CSMD3: variants seen among roughly 807,000 people sequenced by gnomAD.
The protein encoded by CSMD3 is CUB and sushi domain-containing protein 3.
In CSMD3, 177 loss-of-function variants were observed where a neutral mutation model predicts 435.2. The observed-to-expected ratio is 0.41, with a 90% CI of 0.36 to 0.46. The LOEUF (loss-of-function observed/expected upper bound fraction) is 0.46. Among genes scored for constraint, CSMD3 ranks in the 20% least tolerant of loss-of-function variants. The pLI is 0.34. For missense variants in CSMD3, 4,265 were observed against 4,504.6 expected (o/e 0.95, Z 1.52); for synonymous variants, 1,656 against 1,520.5 (o/e 1.09, Z -2.07).
chr8:112,878,393 C>A (rs983748800), intron 10 of CSMD3, among the ~76,000 whole-genome samples: 1 of 152,042 alleles, frequency 6.6e-6, no homozygotes, highest in Non-Finnish European at 1.5e-5. Context: ...GTTAGAATGG[C>A]AATCATAAAA....
At position 112,847,092 on chromosome 8, in the gene CSMD3, C is replaced by T. The variant is rs560825036; in HGVS notation, c.1755+12053G>A. ...AATCATGCTTTGTTAAGACTGCCAA[C>T]CTGGCTTTAATTTCAGTTTATCCCT... On this transcript the variant is annotated intron_variant, in intron 11 of 70. Transcript: ENST00000297405. 3.3e-5 allele frequency among the ~76,000 whole-genome samples: 5 copies of T among 152,204 alleles called. No homozygotes were observed. The East Asian group carries it at 9.7e-4, about 29-fold the overall frequency.
At chr8:112,917,929 T>A (rs1000138902) in intron 10 of CSMD3, among the ~76,000 whole-genome samples, 2 of 151,862 alleles carry the variant, frequency 1.3e-5, no homozygotes, top group African/African-American at 4.8e-5. Context: ...ACATCCATCT[T>A]CCTCTGCCTA....
intron 6 of CSMD3, among the ~76,000 whole-genome samples, chr8:112,999,095 C>A (rs946296743): frequency 5.9e-5 from 9 of 151,840 alleles, no homozygotes; most frequent in African/African-American, 2.2e-4. Context: ...TCTCCATATG[C>A]CTGGACTCCT....
intron 1 of CSMD3, among the ~76,000 whole-genome samples, chr8:113,386,561 C>T (rs1336043500): frequency 6.6e-6 from 1 of 151,836 alleles, no homozygotes; most frequent in African/African-American, 2.4e-5. Context: ...CTCTCTCTCT[C>T]TCTCTGTCAG....
At chr8:113,088,875 A>G (rs1433328217) in intron 5 of CSMD3, among the ~76,000 whole-genome samples, 1 of 150,654 alleles carries the variant, frequency 6.6e-6, no homozygotes, top group Non-Finnish European at 1.5e-5. Flanking sequence ...AAAAAATAAA[A>G]TAAATAAAGA....
intron 12 of CSMD3, among the ~76,000 whole-genome samples, chr8:112,826,976 C>T (rs231289): frequency 2.6e-5 from 4 of 151,286 alleles, no homozygotes; most frequent in Admixed American, 1.3e-4. Context: ...GATTGTCTTC[C>T]GAATTTTTCT....
intron 22 of CSMD3, among the ~76,000 whole-genome samples, chr8:112,612,992 G>T (rs1833387561): frequency 6.6e-6 from 1 of 151,744 alleles, no homozygotes; most frequent in South Asian, 2.1e-4. Context: ...GACTCACCTT[G>T]AATTTCTGGC....
intron 13 of CSMD3, among the ~76,000 whole-genome samples, chr8:112,788,715 A>G (rs1400163696): frequency 1.3e-5 from 2 of 152,162 alleles, no homozygotes; most frequent in African/African-American, 4.8e-5. Context: ...TTAAATTGAC[A>G]TAACTTTTAA....
chr8:113,102,704 C>T lies in CSMD3; in HGVS notation c.710-3741G>A, dbSNP rs571120736. 1.7e-4 allele frequency among the ~76,000 whole-genome samples: 26 copies of T among 152,186 alleles called. No individual in the cohort carries two copies. The South Asian group carries it at 5.4e-3, about 32-fold the overall frequency. On this transcript the variant is annotated intron_variant, in intron 4 of 70. Transcript: ENST00000297405. ...AGCAGAGGGAAGGGTGTTCCTGCAGCTTCACTGACACTTTTACCAAGGTAA... is the reference window on the plus strand; with the variant it reads ...AGCAGAGGGAAGGGTGTTCCTGCAGTTTCACTGACACTTTTACCAAGGTAA...
intron 9 of CSMD3, among the ~76,000 whole-genome samples, chr8:112,935,528 A>G (rs946940681): frequency 2.0e-5 from 3 of 152,062 alleles, no homozygotes; most frequent in African/African-American, 7.2e-5. Flanking sequence ...AGCATGGGAT[A>G]TCTTTCTATT....
intron 10 of CSMD3, among the ~76,000 whole-genome samples, chr8:112,898,537 T>C (rs138332475): frequency 2.8e-4 from 42 of 151,354 alleles, no homozygotes; most frequent in Non-Finnish European, 4.3e-4. Flanking sequence ...ATTTGAATGA[T>C]AGAGTTTAAA....
intron 69 of CSMD3, 43 bp downstream of exon 69, chr8:112,231,502 G>C: frequency 8.6e-7 from 1 of 1,156,610 alleles, no homozygotes; most frequent in Non-Finnish European, 1.3e-6. Context: ...ATGATGTCTG[G>C]GATAATAACA....
At chr8:112,802,133 T>C (rs2078975481) in intron 12 of CSMD3, among the ~76,000 whole-genome samples, 1 of 151,752 alleles carries the variant, frequency 6.6e-6, no homozygotes, top group South Asian at 2.1e-4. Context: ...AATATATATA[T>C]TTTTAAATTT....
chr8:112,658,818 C>T (rs905036557), intron 17 of CSMD3, among the ~76,000 whole-genome samples: 8 of 151,958 alleles, frequency 5.3e-5, no homozygotes, highest in African/African-American at 9.7e-5. Flanking sequence ...ATTAGCAAGG[C>T]GTGGTTGGCG....
At chr8:113,113,264 T>A (rs909969829) in intron 4 of CSMD3, among the ~76,000 whole-genome samples, 2 of 152,166 alleles carry the variant, frequency 1.3e-5, no homozygotes, top group African/African-American at 4.8e-5. Context: ...CATAATCCAA[T>A]CATCCATAGT....
chr8:113,173,843 G>A lies in CSMD3; in HGVS notation c.588C>T (p.Val196=), dbSNP rs141398828. The A allele has an allele frequency of 3.9e-5, 63 of 1,613,804 alleles. No homozygotes were observed. In the East Asian group the frequency reaches 1.2e-3, roughly 30 times the overall value. The part of the protein sequence containing the change: ...KGVLYGTRFD[V]GDKIRYSCVT... ...CACAGCTGTAGCGGATCTTGTCCCC[G>A]ACGTCGAATCTTGTGCCATATAATA... Residue 196 remains valine (V), a synonymous_variant, in exon 4 of 71, where the codon GTC becomes GTT. Coordinates refer to ENST00000297405, the MANE Select transcript of CSMD3 (RefSeq NM_198123.2).
intron 4 of CSMD3, among the ~76,000 whole-genome samples, chr8:113,138,810 AGT>A (rs34755068): frequency 0.011 from 1,546 of 145,602 alleles, 36 homozygotes; most frequent in African/African-American, 0.031. Flanking sequence ...TAAACGTGTT[AGT>A]GTGTGTGTGT....
intron 2 of CSMD3, among the ~76,000 whole-genome samples, chr8:113,304,978 A>T (rs1270126999): frequency 6.6e-5 from 10 of 150,668 alleles, no homozygotes; most frequent in Admixed American, 6.0e-4. Flanking sequence ...GCCATAAAAA[A>T]TGATGAGTTC....
chr8:112,281,850 G>A, intron 58 of CSMD3, among the ~76,000 whole-genome samples: 1 of 152,202 alleles, frequency 6.6e-6, no homozygotes, highest in South Asian at 2.1e-4. Context: ...GCATTAAAAT[G>A]TATAAATTCT....
Sources: allele counts gnomAD v4.1 joint callset (sites outside exome capture counted in the v4.1 genomes callset), GRCh38; gene constraint gnomAD v4.1.1; transcripts MANE v1.5; gene names NCBI Gene and HGNC (gene_info 2026-07-23, HGNC 2026-07-21).